The following THRAP3 variants were observed in gnomAD, a reference collection of about 807,000 sequenced individuals.
THRAP3 encodes thyroid hormone receptor-associated protein 3.
A neutral mutation model predicts 101.0 loss-of-function variants in THRAP3; 16 were observed. That is an observed-to-expected ratio of 0.16 (90% confidence interval 0.11 to 0.24). The LOEUF is 0.24. Among genes scored for constraint, THRAP3 ranks in the 10% least tolerant of loss-of-function variants. THRAP3 has a pLI of 1.00. For synonymous variants in THRAP3, 407 were observed against 422.6 expected, an observed-to-expected ratio of 0.96 and a Z score of 0.45; for missense variants, 989 against 1,202.7, an observed-to-expected ratio of 0.82 and a Z score of 2.63.
intron 3 of THRAP3, among the ~76,000 whole-genome samples, chr1:36,284,109 T>C (rs1645766940): frequency 6.6e-6 from 1 of 152,196 alleles, no homozygotes. Context: ...AACTAAATAA[T>C]TGGTTCAACA....
intron 1 of THRAP3, among the ~76,000 whole-genome samples, chr1:36,250,307 G>A (rs757425230): frequency 9.3e-5 from 14 of 150,916 alleles, no homozygotes; most frequent in Non-Finnish European, 7.4e-5. Context: ...TCCGCCTCCC[G>A]GGTTCAAGCA....
intron 1 of THRAP3, among the ~76,000 whole-genome samples, chr1:36,224,780 A>G (rs1440123458): frequency 1.3e-5 from 2 of 152,240 alleles, no homozygotes; most frequent in East Asian, 3.9e-4. Context: ...TTTATCTTGC[A>G]GTCGGCCTGG....
chr1:36,256,243 T>G (rs1645374113), intron 1 of THRAP3, among the ~76,000 whole-genome samples: 1 of 149,392 alleles, frequency 6.7e-6, no homozygotes, highest in Non-Finnish European at 1.5e-5. Flanking sequence ...TATTACTTTT[T>G]GAGATGGAGT....
chr1:36,215,386 GA>G, the THRAP3 span, among the ~76,000 whole-genome samples: 1 of 152,132 alleles, frequency 6.6e-6, no homozygotes, highest in East Asian at 1.9e-4. Context: ...GTCAATGGCA[GA>G]CCTAACAACA....
intron 9 of THRAP3, among the ~76,000 whole-genome samples, chr1:36,300,109 T>G (rs1390997324): frequency 6.6e-6 from 1 of 152,222 alleles, no homozygotes; most frequent in Non-Finnish European, 1.5e-5. Flanking sequence ...GGTACTGACT[T>G]TAGTACATAG....
At chr1:36,239,932 A>G (rs1413249321) in intron 1 of THRAP3, among the ~76,000 whole-genome samples, 1 of 152,190 alleles carries the variant, frequency 6.6e-6, no homozygotes, top group African/African-American at 2.4e-5. Flanking sequence ...TTTACATTTT[A>G]AGATAAACCT....
At chr1:36,246,165 G>C (rs1184598622) in intron 1 of THRAP3, among the ~76,000 whole-genome samples, 1 of 152,112 alleles carries the variant, frequency 6.6e-6, no homozygotes, top group African/African-American at 2.4e-5. Flanking sequence ...TTTTTTCATG[G>C]AACTCCAAGG....
In THRAP3 at chr1:36,303,974, A is replaced by C; in HGVS notation, c.2825A>C (p.Glu942Ala). The change falls in exon 12 of 12, where the codon GAG becomes GCG. Residue 942 changes from glutamate to alanine, a missense_variant. By Grantham distance (107) the Glu-to-Ala change is moderately radical. Coordinates refer to ENST00000354618, the MANE Select transcript of THRAP3 (RefSeq NM_005119.4). ...ATTGAAGACGACGAGAGTGGGACAGAGAACCGAGAAGAGAAGGACAATATA... is the reference window on the plus strand; with the variant it reads ...ATTGAAGACGACGAGAGTGGGACAGCGAACCGAGAAGAGAAGGACAATATA... ...GEIEDDESGTENREEKDNIQP... is the reference protein window; with the variant it reads ...GEIEDDESGTANREEKDNIQP... 6.2e-7 allele frequency: 1 copy of C among 1,602,184 alleles called. No individual in the cohort carries two copies. Among genetic ancestry groups the C allele is most frequent in the Non-Finnish European group, 8.5e-7 (1 of 1,174,506 alleles).
rs1295105395 is a variant in THRAP3 at position 36,282,630 on chromosome 1, C to T, written c.67C>T (p.Arg23Cys). 9.9e-6 allele frequency: 16 copies of T among 1,614,098 alleles called. No individual in the cohort carries two copies. Among genetic ancestry groups the T allele is most frequent in the Non-Finnish European group, 1.3e-5 (15 of 1,179,974 alleles). ...TCGCTCAAGATCTGCATCAAGATCT[C>T]GTTCTCGTTCATTTTCGAAGTCTCG... is the stretch of plus-strand genomic sequence containing the variant. Reference protein sequence around the residue: ...SSRSRSASRSRSRSFSKSRSR... With the variant: ...SSRSRSASRSCSRSFSKSRSR... Residue 23 changes from arginine to cysteine, a missense_variant, in exon 3 of 12, where the codon CGT (arginine) becomes TGT (cysteine). By Grantham distance (180) the Arg-to-Cys change is radical (BLOSUM62 -3). Coordinates refer to ENST00000354618, the MANE Select transcript of THRAP3 (RefSeq NM_005119.4).
rs1275120186 is a variant in THRAP3 at position 36,282,538 on chromosome 1, A to G, written c.-26A>G. The G allele has an allele frequency of 1.9e-6, 3 of 1,610,496 alleles. No individual in the cohort carries two copies. The highest frequency in any genetic ancestry group is 2.2e-5 in the South Asian group (2 of 90,976). Reference sequence around the variant, plus strand: ...AATGCATTTTCTTACATTAGGTGTAATTGAAAAGTGATCCTCTCTTCAGAG... The same window carrying G: ...AATGCATTTTCTTACATTAGGTGTAGTTGAAAAGTGATCCTCTCTTCAGAG... On this transcript the variant is annotated 5_prime_UTR_variant, in exon 3 of 12. Transcript: ENST00000354618.
chr1:36,275,447 CGTG>C (rs1645646512), intron 2 of THRAP3, among the ~76,000 whole-genome samples: 1 of 150,398 alleles, frequency 6.6e-6, no homozygotes, highest in African/African-American at 2.4e-5. Flanking sequence ...ACTAGCCAGG[CGTG>C]GTGGTGGGCA....
At chr1:36,300,076 C>T (rs1646013048) in intron 9 of THRAP3, among the ~76,000 whole-genome samples, 2 of 152,154 alleles carry the variant, frequency 1.3e-5, no homozygotes, top group Admixed American at 1.3e-4. Context: ...ATTCAGTAAC[C>T]TCCACTATCA....
At chr1:36,301,449 G>C in intron 10 of THRAP3, 104 bp from the exon 11 acceptor site, 1 of 1,392,696 alleles carries the variant, frequency 7.2e-7, no homozygotes, top group South Asian at 1.4e-5. Flanking sequence ...CTGGAAGACA[G>C]CTGTCTATTC....
At chr1:36,291,958 G>A in intron 6 of THRAP3, among the ~76,000 whole-genome samples, 1 of 152,122 alleles carries the variant, frequency 6.6e-6, no homozygotes, top group East Asian at 1.9e-4. Context: ...ATGACTAAGA[G>A]AAGTGATGGA....
chr1:36,211,024 C>T, the THRAP3 span, among the ~76,000 whole-genome samples: 1 of 149,782 alleles, frequency 6.7e-6, no homozygotes, highest in Non-Finnish European at 1.5e-5. Flanking sequence ...CCAGCCTGGG[C>T]AACAAAGTGA....
chr1:36,275,000 G>A (rs1197089435), intron 2 of THRAP3, among the ~76,000 whole-genome samples: 7 of 150,504 alleles, frequency 4.7e-5, no homozygotes, highest in Admixed American at 1.3e-4. Flanking sequence ...TTGGCCGGGC[G>A]CGGTGGCTCA....
chr1:36,214,189 C>T, the THRAP3 span, among the ~76,000 whole-genome samples: 5 of 152,188 alleles, frequency 3.3e-5, no homozygotes, highest in Non-Finnish European at 5.9e-5. Context: ...CTAGTTGTTG[C>T]CTTTCAGGAG....
At position 36,282,407 on chromosome 1, in the gene THRAP3, T is replaced by C. The variant is rs557786207; in HGVS notation, c.-31-126T>C. The C allele has an allele frequency of 7.0e-3, 4,730 of 677,374 alleles. 63 individuals are homozygous for C. Among genetic ancestry groups the C allele is most frequent in the Non-Finnish European group, 9.3e-3 (3,970 of 426,038 alleles). 42.0% of individuals were successfully genotyped at this position (677,374 alleles called of 1,614,324 possible). On this transcript the variant is annotated intron_variant, in intron 2 of 11. Coordinates refer to ENST00000354618, the MANE Select transcript of THRAP3 (RefSeq NM_005119.4). The stretch of plus-strand genomic sequence containing the variant: ...CTAATTAAAAAAAAATTTTTTTTTT[T>C]TTTTTGTAGATATGGGGTCTTCTCA...
chr1:36,227,292 T>G (rs955493485), intron 1 of THRAP3, among the ~76,000 whole-genome samples: 1 of 152,144 alleles, frequency 6.6e-6, no homozygotes, highest in Admixed American at 6.5e-5. Context: ...TACAACTTTT[T>G]TTTTTTTTGA....
Sources: allele counts gnomAD v4.1 joint callset (sites outside exome capture counted in the v4.1 genomes callset), GRCh38; gene constraint gnomAD v4.1.1; transcripts MANE v1.5; gene names NCBI Gene and HGNC (gene_info 2026-07-23, HGNC 2026-07-21).